Variants in STX6 observed in about 807,000 individuals in gnomAD.
The protein encoded by STX6 is syntaxin-6.
Under a neutral mutation model 38.0 loss-of-function variants are expected in STX6, and 23 were observed. The ratio of observed to expected loss-of-function variants is 0.60; its 90% confidence interval spans 0.43 to 0.86. STX6 has a LOEUF of 0.86. STX6 is among the 40% of genes least tolerant of loss of function. STX6 has a pLI of 0.00. For missense variants in STX6, 274 were observed against 312.9 expected (o/e 0.88, Z 0.94); for synonymous variants, 123 against 107.5 (o/e 1.14, Z -0.89).
chr1:181,009,298 C>A (rs1289319913), intron 1 of STX6, among the ~76,000 whole-genome samples: 1 of 151,934 alleles, frequency 6.6e-6, no homozygotes, highest in Non-Finnish European at 1.5e-5. Flanking sequence ...AAAACCCCAT[C>A]TCTACTAAAA....
Position 180,990,000 on chromosome 1 carries a change from T to C in STX6, c.473A>G (p.Gln158Arg). 1 of 1,613,872 alleles carries C rather than the reference T, an allele frequency of 6.2e-7. No homozygotes were observed. The highest frequency in any genetic ancestry group is 8.5e-7 in the Non-Finnish European group (1 of 1,180,006). Residue 158 changes from glutamine (Q) to arginine (R), a missense_variant, in exon 5 of 8, where the codon CAG (glutamine) becomes CGG (arginine). By Grantham distance (43) the Gln-to-Arg change is conservative. Transcript: ENST00000258301. ...QRANSHFIEE[Q>R]QAQQQLIVEQ... is the part of the protein sequence containing the mutation. ...TTGGGGTACCTGCTGCTGTGCCTGC[T>C]GCTCCTCAATGAAATGAGAATTGGC...
intron 7 of STX6, among the ~76,000 whole-genome samples, chr1:180,977,074 G>A (rs1655276477): frequency 6.6e-6 from 1 of 152,174 alleles, no homozygotes; most frequent in Admixed American, 6.5e-5. Context: ...AACGGGAGGA[G>A]GGAAAGGAGA....
chr1:180,990,194 G>A, intron 4 of STX6, 85 bp from the exon 5 acceptor site: 1 of 1,536,152 alleles, frequency 6.5e-7, no homozygotes, highest in African/African-American at 1.4e-5. Context: ...GTGATATAAA[G>A]AGTTTTCACA....
chr1:180,996,510 T>C (rs931760813), intron 3 of STX6, among the ~76,000 whole-genome samples: 8 of 152,212 alleles, frequency 5.3e-5, no homozygotes, highest in Non-Finnish European at 1.0e-4. Context: ...TTAGTGAAGG[T>C]ATATTCTGAT....
At chr1:181,020,021 G>A (rs944599552) in intron 1 of STX6, among the ~76,000 whole-genome samples, 1 of 151,972 alleles carries the variant, frequency 6.6e-6, no homozygotes, top group East Asian at 1.9e-4. Context: ...AAATTAGCCG[G>A]GCGTGGTGGC....
intron 5 of STX6, 96 bp downstream of exon 5, chr1:180,989,888 T>C: frequency 3.4e-6 from 5 of 1,464,452 alleles, no homozygotes; most frequent in Admixed American, 3.6e-5. Flanking sequence ...CTTACCCTCC[T>C]TGTCACTAAG....
chr1:180,996,029 T>C (rs550476276), intron 3 of STX6, among the ~76,000 whole-genome samples: 1 of 152,276 alleles, frequency 6.6e-6, no homozygotes, highest in African/African-American at 2.4e-5. Flanking sequence ...TTTTAGTAAA[T>C]ATATGTATTT....
At chr1:180,979,600 C>T (rs1050205338) in intron 7 of STX6, among the ~76,000 whole-genome samples, 1 of 152,200 alleles carries the variant, frequency 6.6e-6, no homozygotes, top group Non-Finnish European at 1.5e-5. Flanking sequence ...TGGAAGAAAA[C>T]ACAGGAGAAA....
At chr1:181,004,592 TG>T (rs1175371771) in intron 2 of STX6, among the ~76,000 whole-genome samples, 1 of 152,254 alleles carries the variant, frequency 6.6e-6, no homozygotes, top group Non-Finnish European at 1.5e-5. Context: ...GAAGAGGGCC[TG>T]GAAGTGCTGC....
intron 3 of STX6, 43 bp downstream of exon 3, chr1:181,002,563 G>A: frequency 7.1e-7 from 1 of 1,407,604 alleles, no homozygotes; most frequent in Non-Finnish European, 1.0e-6. Flanking sequence ...AAGAAGTCTG[G>A]CTATTTCTTA....
In STX6 at chr1:181,015,542, C is replaced by T. The variant is rs562915423; in HGVS notation, c.35+7097G>A. On this transcript the variant is annotated intron_variant, in intron 1 of 7. Transcript: ENST00000258301. ...GATAATCTAGTTTGTGCTCCTTAAACATAAATAAGAGACCTTGGGGCTCAG... is the reference window on the plus strand; with the variant it reads ...GATAATCTAGTTTGTGCTCCTTAAATATAAATAAGAGACCTTGGGGCTCAG... Among the ~76,000 whole-genome samples the T allele has an allele frequency of 1.5e-4, 23 of 152,260 alleles. No homozygotes were observed. The South Asian group carries it at 4.8e-3, about 32-fold the overall frequency.
chr1:180,973,677 C>G lies in STX6; in HGVS notation c.*2893G>C, dbSNP rs1339794466. On this transcript the variant is annotated 3_prime_UTR_variant, in exon 8 of 8. Transcript: ENST00000258301. ...CACACACGCTGCAACCTGCATTTGC[C>G]ACACAGTCCAGGGCATATAGAGCAT... 2 of 152,636 alleles carry G rather than the reference C, an allele frequency of 1.3e-5. No homozygotes were observed. Among genetic ancestry groups the G allele is most frequent in the Non-Finnish European group, 2.9e-5 (2 of 68,026 alleles). The allele number at this position is 152,636 out of a possible 1,614,324, so 9.5% of individuals were successfully genotyped here. A position where few individuals can be genotyped will look rare whatever the true frequency, so the allele number is the denominator to read the frequency against.
intron 7 of STX6, among the ~76,000 whole-genome samples, chr1:180,979,447 A>T (rs1226799270): frequency 1.3e-5 from 2 of 152,240 alleles, no homozygotes; most frequent in African/African-American, 2.4e-5. Context: ...CAGAGCAAAG[A>T]GAGTCTTTTC....
intron 7 of STX6, among the ~76,000 whole-genome samples, chr1:180,980,313 C>T (rs964401422): frequency 2.3e-5 from 3 of 131,932 alleles, no homozygotes; most frequent in African/African-American, 8.2e-5. Flanking sequence ...AGAAACAATA[C>T]ACACCTATTA....
intron 3 of STX6, among the ~76,000 whole-genome samples, chr1:181,001,820 A>G (rs1396990628): frequency 6.6e-6 from 1 of 152,252 alleles, no homozygotes; most frequent in African/African-American, 2.4e-5. Context: ...ATCATTCAGG[A>G]TGACACCATT....
At chr1:180,993,143 G>A (rs1655801086) in intron 4 of STX6, among the ~76,000 whole-genome samples, 1 of 152,296 alleles carries the variant, frequency 6.6e-6, no homozygotes, top group South Asian at 2.1e-4. Flanking sequence ...ATGGAGCCCA[G>A]AGAAGAAGAC....
chr1:181,008,727 G>GTTTTTTT (rs55654509), intron 1 of STX6, among the ~76,000 whole-genome samples: 4 of 108,690 alleles, frequency 3.7e-5, no homozygotes, highest in Non-Finnish European at 5.3e-5. Flanking sequence ...TTCCAAAATT[G>GTTTTTTT]TTTTTTTTTT....
At chr1:180,997,978 G>A (rs1655961545) in intron 3 of STX6, among the ~76,000 whole-genome samples, 1 of 152,160 alleles carries the variant, frequency 6.6e-6, no homozygotes, top group South Asian at 2.1e-4. Context: ...TAAATACCAA[G>A]TACAGATTAT....
intron 1 of STX6, among the ~76,000 whole-genome samples, chr1:181,012,672 C>CTTTTT (rs58296301): frequency 8.4e-6 from 1 of 118,914 alleles, no homozygotes; most frequent in Non-Finnish European, 1.7e-5. Context: ...TTCTTCCATT[C>CTTTTT]TTTTTTTTTT....
Sources: gnomAD v4.1 joint callset for allele counts (sites outside exome capture counted in the v4.1 genomes callset) on GRCh38, gnomAD v4.1.1 for gene constraint, MANE v1.5 for transcripts, NCBI Gene and HGNC (gene_info 2026-07-23, HGNC 2026-07-21) for gene names.